Variants in CFAP263 observed in about 807,000 individuals in gnomAD.
CFAP263 encodes cilia- and flagella-associated protein 263.
At chr16:58,250,234 C>T in the CFAP263 span, 2 of 591,876 alleles carry the variant, frequency 3.4e-6, no homozygotes, top group African/African-American at 3.9e-5. Flanking sequence ...ACTGGGGAGA[C>T]TTTTCCTCTT....
the CFAP263 span, chr16:58,259,945 C>T: frequency 1.9e-6 from 3 of 1,552,344 alleles, no homozygotes; most frequent in Admixed American, 1.7e-5. Context: ...GTATGTGGTC[C>T]TTTTTCTCTC....
At chr16:58,252,972 GTTTTAC>G in the CFAP263 span, 2 of 995,586 alleles carry the variant, frequency 2.0e-6, no homozygotes, top group Admixed American at 4.2e-5. Context: ...CCTTCTCCCT[GTTTTAC>G]TTTTGATTTT....
chr16:58,269,353 A>T, the CFAP263 span, among the ~76,000 whole-genome samples: 1 of 150,086 alleles, frequency 6.7e-6, no homozygotes, highest in Non-Finnish European at 1.5e-5. Flanking sequence ...AACAAAAAAA[A>T]CTACTTAAAT....
chr16:58,260,206 C>G, the CFAP263 span, among the ~76,000 whole-genome samples: 320 of 152,238 alleles, frequency 2.1e-3, no homozygotes, highest in African/African-American at 7.2e-3. Flanking sequence ...ATAACAGAAG[C>G]AGAGATCAGA....
chr16:58,268,894 G>A, the CFAP263 span, among the ~76,000 whole-genome samples: 904 of 151,854 alleles, frequency 6.0e-3, 4 homozygotes, highest in South Asian at 0.013. Flanking sequence ...AGCTTTATTG[G>A]GATTTAATTT....
At chr16:58,274,965 C>T in the CFAP263 span, among the ~76,000 whole-genome samples, 1 of 152,114 alleles carries the variant, frequency 6.6e-6, no homozygotes, top group South Asian at 2.1e-4. Flanking sequence ...CGTTTTAATG[C>T]CTTCATTCTT....
chr16:58,280,459 C>G, the CFAP263 span: 4 of 1,614,158 alleles, frequency 2.5e-6, no homozygotes, highest in South Asian at 4.4e-5. Context: ...CGTGATGGTC[C>G]TTCTTTGTCC....
chr16:58,280,054 C>A, the CFAP263 span: 1 of 689,296 alleles, frequency 1.5e-6, no homozygotes, highest in East Asian at 2.7e-5. Flanking sequence ...GTGACCTTCC[C>A]ACACCTGGGA....
the CFAP263 span, among the ~76,000 whole-genome samples, chr16:58,251,303 A>C: frequency 6.6e-6 from 1 of 152,358 alleles, no homozygotes; most frequent in African/African-American, 2.4e-5. Flanking sequence ...CACAGACTAC[A>C]TACACCTGGA....
the CFAP263 span, chr16:58,280,060 T>C: frequency 7.1e-6 from 5 of 700,932 alleles, no homozygotes; most frequent in African/African-American, 9.0e-5. Flanking sequence ...TTCCCACACC[T>C]GGGAGAGGGA....
At chr16:58,252,640 T>C in the CFAP263 span, 2 of 1,194,420 alleles carry the variant, frequency 1.7e-6, no homozygotes, top group Admixed American at 1.9e-5. Context: ...GGCTAACGGG[T>C]TTTGCAGGTC....
the CFAP263 span, among the ~76,000 whole-genome samples, chr16:58,265,848 C>T: frequency 6.6e-6 from 1 of 152,202 alleles, no homozygotes; most frequent in South Asian, 2.1e-4. Flanking sequence ...GATACCTGCC[C>T]CGGCAGAGCC....
chr16:58,255,587 T>G, the CFAP263 span, among the ~76,000 whole-genome samples: 27 of 150,986 alleles, frequency 1.8e-4, no homozygotes, highest in Middle Eastern at 3.6e-3. Context: ...TTTTTTTTTT[T>G]GGGATGGAGT....
chr16:58,272,591 A>G, the CFAP263 span, among the ~76,000 whole-genome samples: 1 of 152,222 alleles, frequency 6.6e-6, no homozygotes, highest in Non-Finnish European at 1.5e-5. Context: ...TACAGTAAAG[A>G]TACGGCATTA....
At chr16:58,258,379 G>A in the CFAP263 span, 1 of 1,613,912 alleles carries the variant, frequency 6.2e-7, no homozygotes, top group African/African-American at 1.3e-5. Flanking sequence ...CGATCATTGA[G>A]GAGGCTGAAA....
chr16:58,260,984 TA>T, the CFAP263 span, among the ~76,000 whole-genome samples: 2 of 152,138 alleles, frequency 1.3e-5, no homozygotes, highest in African/African-American at 4.8e-5. Flanking sequence ...GCTGCGTTCA[TA>T]GAAACACAGT....
the CFAP263 span, chr16:58,280,464 T>C: frequency 1.9e-6 from 3 of 1,614,098 alleles, no homozygotes; most frequent in Non-Finnish European, 2.5e-6. Flanking sequence ...TGGTCCTTCT[T>C]TGTCCCTGCA....
chr16:58,267,616 A>T, the CFAP263 span: 1 of 1,355,644 alleles, frequency 7.4e-7, no homozygotes, highest in Non-Finnish European at 1.1e-6. Flanking sequence ...GGTATTTCTG[A>T]TGTTTGTCTC....
the CFAP263 span, chr16:58,252,596 C>T: frequency 5.9e-6 from 4 of 681,688 alleles, no homozygotes; most frequent in Non-Finnish European, 5.0e-6. Flanking sequence ...TTCTTAATAC[C>T]CATTTTATAG....
Sources: allele counts gnomAD v4.1 joint callset (sites outside exome capture counted in the v4.1 genomes callset), GRCh38; gene constraint gnomAD v4.1.1; transcripts MANE v1.5; gene names NCBI Gene and HGNC (gene_info 2026-07-23, HGNC 2026-07-21).